The following RCAN2 variants were observed in gnomAD, a reference collection of about 807,000 sequenced individuals.
RCAN2 encodes regulator of calcineurin 2.
RCAN2 carries 9 observed loss-of-function variants against 23.6 expected under a neutral mutation model. That is an observed-to-expected ratio of 0.38 (90% CI 0.23 to 0.67). The LOEUF is 0.67. RCAN2 is among the 30% of genes least tolerant of loss of function. The pLI, the probability that RCAN2 is intolerant of heterozygous loss-of-function variation, is 0.51. For missense variants in RCAN2, 273 were observed against 302.3 expected (o/e 0.90, Z 0.72); for synonymous variants, 109 against 115.7 (o/e 0.94, Z 0.37).
Position 46,222,926 on chromosome 6 carries a change from G to A in RCAN2, c.*215C>T. The A allele has an allele frequency of 1.8e-6, 1 of 552,590 alleles. No homozygotes were observed. Among genetic ancestry groups the A allele is most frequent in the Non-Finnish European group, 3.2e-6 (1 of 309,846 alleles). The allele number at this position is 552,590 out of a possible 1,614,324, so 34.2% of individuals were successfully genotyped here. A position where few individuals can be genotyped will look rare whatever the true frequency, so the allele number is the denominator to read the frequency against. ...TAAGAAAATACTACTTTTTTCCCTAGAACCTTCTAAATAATGGGTTATACT... is the reference window on the plus strand; with the variant it reads ...TAAGAAAATACTACTTTTTTCCCTAAAACCTTCTAAATAATGGGTTATACT... On this transcript the variant is annotated 3_prime_UTR_variant, in exon 5 of 5. Transcript: ENST00000371374.
chr6:46,406,594 TTC>T (rs953817000), intron 2 of RCAN2, among the ~76,000 whole-genome samples: 3 of 152,218 alleles, frequency 2.0e-5, no homozygotes, highest in Non-Finnish European at 4.4e-5. Context: ...AAGAAAATGT[TTC>T]TGTCAGCTCT....
At chr6:46,335,401 C>T (rs559776878) in intron 2 of RCAN2, among the ~76,000 whole-genome samples, 1 of 152,238 alleles carries the variant, frequency 6.6e-6, no homozygotes, top group South Asian at 2.1e-4. Context: ...TTTTCCTCAA[C>T]CCAATTCAGG....
At chr6:46,431,322 C>T (rs765633862) in intron 2 of RCAN2, among the ~76,000 whole-genome samples, 4 of 152,172 alleles carry the variant, frequency 2.6e-5, no homozygotes, top group Admixed American at 6.5e-5. Context: ...CCTCCCACCT[C>T]GGCCTCCTAA....
chr6:46,472,096 C>T (rs1179499365), intron 1 of RCAN2, among the ~76,000 whole-genome samples: 2 of 152,164 alleles, frequency 1.3e-5, no homozygotes, highest in African/African-American at 4.8e-5. Context: ...GCTTGTATTC[C>T]AACCTGGAAT....
Position 46,456,853 on chromosome 6 carries a change from C to T in RCAN2, c.124G>A (p.Ala42Thr). 6.4e-7 allele frequency: 1 copy of T among 1,550,686 alleles called. No individual in the cohort carries two copies. Among genetic ancestry groups the T allele is most frequent in the Non-Finnish European group, 8.7e-7 (1 of 1,146,992 alleles). ...GTGATTGCTTGAAAGGCTTCTTCTG[C>T]AAAACAACGAGTGACAGCCCAGTCC... ...DRDWAVTRCF[A>T]EEAFQAITDF... The change falls in exon 2 of 5, where the codon GCA becomes ACA. Residue 42 changes from alanine to threonine, a missense_variant. Transcript: ENST00000371374.
At chr6:46,289,937 C>T (rs1235846829) in intron 2 of RCAN2, among the ~76,000 whole-genome samples, 1 of 152,178 alleles carries the variant, frequency 6.6e-6, no homozygotes, top group East Asian at 1.9e-4. Flanking sequence ...TCTCAATCTC[C>T]TTGTTAAAGA....
At chr6:46,303,588 C>T (rs1419618377) in intron 2 of RCAN2, among the ~76,000 whole-genome samples, 1 of 152,054 alleles carries the variant, frequency 6.6e-6, no homozygotes, top group African/African-American at 2.4e-5. Context: ...CCCTGCCCAG[C>T]TCCGGATTTA....
At chr6:46,433,121 A>G (rs1767265050) in intron 2 of RCAN2, among the ~76,000 whole-genome samples, 1 of 152,210 alleles carries the variant, frequency 6.6e-6, no homozygotes, top group African/African-American at 2.4e-5. Context: ...CAGGAATATA[A>G]TATCAAATTT....
chr6:46,446,002 G>C (rs796535951), intron 2 of RCAN2, among the ~76,000 whole-genome samples: 12 of 152,118 alleles, frequency 7.9e-5, no homozygotes, highest in African/African-American at 2.9e-4. Context: ...AGGAAATTCA[G>C]TTAAAGAAAT....
At chr6:46,346,405 T>C (rs1158462349) in intron 2 of RCAN2, among the ~76,000 whole-genome samples, 1 of 152,168 alleles carries the variant, frequency 6.6e-6, no homozygotes, top group Non-Finnish European at 1.5e-5. Context: ...GATAAAAACA[T>C]GCATCATCTT....
At chr6:46,331,897 T>C (rs1419343400) in intron 2 of RCAN2, among the ~76,000 whole-genome samples, 1 of 152,214 alleles carries the variant, frequency 6.6e-6, no homozygotes, top group Non-Finnish European at 1.5e-5. Context: ...ATATCTTCGT[T>C]CTTACCAGCA....
At chr6:46,426,029 G>C (rs1347978200) in intron 2 of RCAN2, among the ~76,000 whole-genome samples, 1 of 151,254 alleles carries the variant, frequency 6.6e-6, no homozygotes, top group African/African-American at 2.4e-5. Flanking sequence ...CTACTGAGTA[G>C]CTAGGACTAC....
At chr6:46,462,330 T>G (rs1322534536) in intron 1 of RCAN2, among the ~76,000 whole-genome samples, 1 of 152,160 alleles carries the variant, frequency 6.6e-6, no homozygotes, top group Non-Finnish European at 1.5e-5. Context: ...TATTTAAATG[T>G]TAGAACGTTA....
At chr6:46,323,470 A>G (rs1763684892) in intron 2 of RCAN2, among the ~76,000 whole-genome samples, 1 of 152,068 alleles carries the variant, frequency 6.6e-6, no homozygotes, top group African/African-American at 2.4e-5. Flanking sequence ...TTCTGGTAAC[A>G]GTCTTCCTCG....
chr6:46,484,795 ACC>A, intron 1 of RCAN2, among the ~76,000 whole-genome samples: 1 of 152,254 alleles, frequency 6.6e-6, no homozygotes, highest in South Asian at 2.1e-4. Context: ...CCAGATCCCC[ACC>A]CACTCATCTT....
intron 2 of RCAN2, among the ~76,000 whole-genome samples, chr6:46,402,811 T>C (rs1458401171): frequency 6.6e-6 from 1 of 152,232 alleles, no homozygotes; most frequent in Non-Finnish European, 1.5e-5. Flanking sequence ...TCTTTGGGTC[T>C]TTATTCTGAA....
At chr6:46,475,841 A>G (rs749108190) in intron 1 of RCAN2, among the ~76,000 whole-genome samples, 2 of 152,332 alleles carry the variant, frequency 1.3e-5, no homozygotes, top group South Asian at 4.1e-4. Context: ...AAATTGAACA[A>G]CCATGATCCC....
intron 4 of RCAN2, among the ~76,000 whole-genome samples, chr6:46,232,849 G>A (rs1249771347): frequency 1.3e-5 from 2 of 148,390 alleles, no homozygotes; most frequent in South Asian, 2.1e-4. Context: ...TGCAAATTCC[G>A]ATTTAGTAGA....
chr6:46,348,454 T>A (rs9357505), intron 2 of RCAN2, among the ~76,000 whole-genome samples: 64,146 of 152,020 alleles, frequency 0.42, 14,989 homozygotes, highest in East Asian at 0.6. Flanking sequence ...TTTGAGGAGC[T>A]TCTGTACCTC....
Sources: gnomAD v4.1 joint callset for allele counts (sites outside exome capture counted in the v4.1 genomes callset) on GRCh38, gnomAD v4.1.1 for gene constraint, MANE v1.5 for transcripts, NCBI Gene and HGNC (gene_info 2026-07-23, HGNC 2026-07-21) for gene names.